CASZ1: variants seen among roughly 807,000 people sequenced by gnomAD.
CASZ1 encodes the protein zinc finger protein castor homolog 1.
Under a neutral mutation model 135.2 loss-of-function variants are expected in CASZ1, and 28 were observed. The ratio of observed to expected loss-of-function variants is 0.21; its 90% CI spans 0.15 to 0.28. CASZ1 has a LOEUF of 0.28. CASZ1 is among the 10% of genes least tolerant of loss of function. The pLI is 1.00. For synonymous variants in CASZ1, 1,068 were observed against 1,073.4 expected, an observed-to-expected ratio of 0.99 and a Z score of 0.10; for missense variants, 2,161 against 2,453.3, an observed-to-expected ratio of 0.88 and a Z score of 2.52.
chr1:10,694,584 CCCGCCGCCGCCGCCG>C lies in CASZ1; in HGVS notation c.-23-687_-23-673del, dbSNP rs1171158662. ...GGCAGGTGAAAGAGCAGAGCGCGGC[CCCGCCGCCGCCGCCG>C]CCGCCGCCGCCGCCGCCGCCGCCCG... On this transcript the variant is annotated intron_variant, in intron 3 of 20. Coordinates refer to ENST00000377022, the MANE Select transcript of CASZ1 (RefSeq NM_001079843.3). The surrounding 1 kb of genome is among the most constrained non-coding windows in gnomAD (Gnocchi z 6.6). The C allele has an allele frequency of 3.1e-4, 42 of 137,442 alleles. No homozygotes were observed. The highest frequency in any genetic ancestry group is 2.0e-3 in the South Asian group (9 of 4,556). 8.5% of individuals were successfully genotyped at this position (137,442 alleles called of 1,614,324 possible). A position where few individuals can be genotyped will look rare whatever the true frequency, so the allele number is the denominator to read the frequency against.
chr1:10,649,683 G>A (rs1051702755), intron 13 of CASZ1: 8 of 482,094 alleles, frequency 1.7e-5, no homozygotes, highest in Admixed American at 1.0e-4. Flanking sequence ...AGCCCGTGCC[G>A]CGGGATCCAT....
At chr1:10,649,645 C>T (rs1041298121) in intron 13 of CASZ1, 3 of 582,514 alleles carry the variant, frequency 5.2e-6, no homozygotes, top group Non-Finnish European at 8.9e-6. Flanking sequence ...CCAGGAGCTG[C>T]GAGGCCTCCT....
At chr1:10,689,097 T>C (rs529101251) in intron 4 of CASZ1, among the ~76,000 whole-genome samples, 1 of 150,986 alleles carries the variant, frequency 6.6e-6, no homozygotes, top group South Asian at 2.1e-4. Context: ...CCTGGGGGCA[T>C]GGGGGGTGGG....
In CASZ1 at chr1:10,659,796, G is replaced by A; in HGVS notation, c.1246C>T (p.Pro416Ser). ...GTGTTGAAGGACAGGGAGGCAGGAG[G>A]CTCTGGCCCTGGCCCGGGGGCGCTG... ...APSAPGPGPEPPASLSFNTPE... is the reference protein window; with the variant it reads ...APSAPGPGPESPASLSFNTPE... Residue 416 changes from proline to serine, a missense_variant, in exon 6 of 21, where the codon CCT becomes TCT. By Grantham distance (74) the Pro-to-Ser change is moderately conservative. Transcript: ENST00000377022. 1 of 1,613,934 alleles carries A rather than the reference G, an allele frequency of 6.2e-7. No homozygotes were observed. The highest frequency in any genetic ancestry group is 8.5e-7 in the Non-Finnish European group (1 of 1,179,872).
Position 10,665,355 on chromosome 1 carries a change from CG to C in CASZ1, c.232del (p.Arg78AlafsTer10). 6.2e-7 allele frequency: 1 copy of C among 1,611,178 alleles called. No individual in the cohort carries two copies. Among genetic ancestry groups the C allele is most frequent in the African/African-American group, 1.3e-5 (1 of 74,970 alleles). On this transcript the variant is annotated frameshift_variant, in exon 5 of 21. Coordinates refer to ENST00000377022, the MANE Select transcript of CASZ1 (RefSeq NM_001079843.3). LOFTEE classifies it high-confidence loss of function. ...TGCCCGTCTCTTGTCTTCCTCGCTG[CG>C]GGGGGCCCGGGCTGCCCCAGACTCA... ...GPESGAARAP[R>X]SEEDKRRAVI...
At chr1:10,704,752 G>A (rs747068007) in intron 3 of CASZ1, among the ~76,000 whole-genome samples, 2 of 152,244 alleles carry the variant, frequency 1.3e-5, no homozygotes, top group East Asian at 1.9e-4. Flanking sequence ...GGCAGGCCCC[G>A]CTATTTACAT....
chr1:10,765,533 C>T (rs780276716), intron 1 of CASZ1, among the ~76,000 whole-genome samples: 2 of 152,136 alleles, frequency 1.3e-5, no homozygotes, highest in East Asian at 3.8e-4. Flanking sequence ...AGCAGGTATT[C>T]GACGGTACAC....
intron 2 of CASZ1, among the ~76,000 whole-genome samples, chr1:10,743,942 A>G (rs1261362361): frequency 1.3e-5 from 2 of 151,612 alleles, no homozygotes; most frequent in Non-Finnish European, 2.9e-5. Flanking sequence ...TCTGTGAAGG[A>G]TATAAAAAAT....
intron 1 of CASZ1, among the ~76,000 whole-genome samples, chr1:10,778,094 C>G (rs982278387): frequency 6.6e-6 from 1 of 152,090 alleles, no homozygotes; most frequent in African/African-American, 2.4e-5. Flanking sequence ...GTCACACCAT[C>G]TCACACAATC....
At chr1:10,648,658 G>T (rs956242432) in intron 15 of CASZ1, 6 of 205,966 alleles carry the variant, frequency 2.9e-5, no homozygotes, top group Admixed American at 5.1e-5. Flanking sequence ...ATTTCATTAT[G>T]TTTAGGTCAA....
At position 10,755,610 on chromosome 1, in the gene CASZ1, G is replaced by A. The variant is rs369580355; in HGVS notation, c.-77+5091C>T. ...CCCTGGGGCCCGTGCATGGCGAGAT[G>A]CGGGGTTTTCCTGCATCTGCTCCGA... On this transcript the variant is annotated intron_variant, in intron 2 of 20. Coordinates refer to ENST00000377022, the MANE Select transcript of CASZ1 (RefSeq NM_001079843.3). The surrounding 1 kb of genome is among the most constrained non-coding windows in gnomAD (Gnocchi z 4.3). 6.6e-6 allele frequency among the ~76,000 whole-genome samples: 1 copy of A among 152,100 alleles called. No homozygotes were observed. Among genetic ancestry groups the A allele is most frequent in the Non-Finnish European group, 1.5e-5 (1 of 68,000 alleles).
At chr1:10,789,489 AATG>A (rs1325723981) in intron 1 of CASZ1, among the ~76,000 whole-genome samples, 2 of 151,814 alleles carry the variant, frequency 1.3e-5, no homozygotes, top group African/African-American at 4.8e-5. Flanking sequence ...ACTTATTAAG[AATG>A]ATAATGAGTT....
chr1:10,743,195 C>A (rs930448646), intron 2 of CASZ1, among the ~76,000 whole-genome samples: 11 of 151,524 alleles, frequency 7.3e-5, no homozygotes. Context: ...CAGGAGGAGT[C>A]TGGGGCATAA....
At position 10,656,177 on chromosome 1, in the gene CASZ1, G is replaced by A. The variant is rs556886956; in HGVS notation, c.1501-364C>T. 2.0e-5 allele frequency among the ~76,000 whole-genome samples: 3 copies of A among 152,324 alleles called. No individual in the cohort carries two copies. The East Asian group carries it at 5.8e-4, about 29-fold the overall frequency. On this transcript the variant is annotated intron_variant, in intron 8 of 20. Transcript: ENST00000377022. ...GCAGGCTGGGATCCCTGGCAAGCCA[G>A]AGGGAGCCACCCCACGCAGGCTGCC...
intron 5 of CASZ1, among the ~76,000 whole-genome samples, chr1:10,662,204 G>T (rs1041745739): frequency 6.9e-6 from 1 of 145,772 alleles, no homozygotes; most frequent in Non-Finnish European, 1.5e-5. Context: ...ATATCCCCAC[G>T]CACAGTCACA....
chr1:10,692,754 C>A (rs188238025), intron 4 of CASZ1, among the ~76,000 whole-genome samples: 1 of 152,214 alleles, frequency 6.6e-6, no homozygotes, highest in Non-Finnish European at 1.5e-5. Context: ...TGCCCACTGA[C>A]CTTTAGAAGG....
intron 2 of CASZ1, among the ~76,000 whole-genome samples, chr1:10,712,218 C>T (rs1639300278): frequency 6.6e-6 from 1 of 151,702 alleles, no homozygotes; most frequent in South Asian, 2.1e-4. Flanking sequence ...TGGTGGTGGG[C>T]GCCTGTAATC....
intron 1 of CASZ1, among the ~76,000 whole-genome samples, chr1:10,779,938 T>C (rs1037461388): frequency 6.6e-6 from 1 of 152,138 alleles, no homozygotes; most frequent in African/African-American, 2.4e-5. Context: ...CACCTGGCCC[T>C]TGGGGATCTG....
At chr1:10,712,718 AC>A (rs578136470) in intron 2 of CASZ1, among the ~76,000 whole-genome samples, 2 of 151,052 alleles carry the variant, frequency 1.3e-5, no homozygotes, top group Admixed American at 6.6e-5. Context: ...TCCCCTTAGG[AC>A]CCCCCCGCTC....
Sources: allele counts gnomAD v4.1 joint callset (sites outside exome capture counted in the v4.1 genomes callset), GRCh38; gene constraint gnomAD v4.1.1; non-coding constraint Gnocchi (gnomAD v3.1); transcripts MANE v1.5; gene names NCBI Gene and HGNC (gene_info 2026-07-23, HGNC 2026-07-21).